The following AGBL1 variants were observed in gnomAD, a reference collection of about 807,000 sequenced individuals.
The protein encoded by AGBL1 is AGBL carboxypeptidase 1.
A neutral mutation model predicts 118.9 loss-of-function variants in AGBL1; 130 were observed. That is an observed-to-expected ratio of 1.09 (90% CI 0.95 to 1.26). The LOEUF (loss-of-function observed/expected upper bound fraction) is 1.26, where lower values mean the gene tolerates loss of function less well. Ranked by LOEUF, AGBL1 falls within the 50% of genes most tolerant of loss-of-function variation. AGBL1 has a pLI of 0.00. For synonymous variants in AGBL1, 555 were observed against 478.9 expected (o/e 1.16, Z -2.08); for missense variants, 1,584 against 1,298.1 (o/e 1.22, Z -3.38).
intron 21 of AGBL1, among the ~76,000 whole-genome samples, chr15:86,628,126 C>A (rs2084915105): frequency 6.6e-6 from 1 of 152,146 alleles, no homozygotes; most frequent in Non-Finnish European, 1.5e-5. Flanking sequence ...AGACCTTGAG[C>A]ATGCATCAAA....
At chr15:86,829,531 T>C (rs2079075568) in intron 22 of AGBL1, among the ~76,000 whole-genome samples, 2 of 152,106 alleles carry the variant, frequency 1.3e-5, no homozygotes, top group Non-Finnish European at 2.9e-5. Context: ...TCAGGCCTTC[T>C]ATGGAAGAGA....
intron 21 of AGBL1, among the ~76,000 whole-genome samples, chr15:86,597,489 CT>C (rs369169869): frequency 6.2e-4 from 94 of 152,222 alleles, no homozygotes; most frequent in African/African-American, 2.1e-3. Context: ...TTCATCACCC[CT>C]AACCCCAGTT....
At chr15:86,600,264 G>A (rs2084472984) in intron 21 of AGBL1, among the ~76,000 whole-genome samples, 2 of 152,148 alleles carry the variant, frequency 1.3e-5, no homozygotes. Flanking sequence ...AGTCTGGAAA[G>A]TGATTACATT....
At chr15:86,460,013 A>T (rs775740136) in intron 18 of AGBL1, among the ~76,000 whole-genome samples, 5 of 152,192 alleles carry the variant, frequency 3.3e-5, no homozygotes, top group Middle Eastern at 6.8e-3. Flanking sequence ...TTCTGCAACA[A>T]GTAGAGAGAA....
intron 22 of AGBL1, among the ~76,000 whole-genome samples, chr15:86,856,079 G>T (rs1051669608): frequency 6.6e-6 from 1 of 152,222 alleles, no homozygotes; most frequent in Admixed American, 6.5e-5. Context: ...TTTCTCATCA[G>T]TGTGGATGGG....
At chr15:86,734,749 C>T (rs1039274477) in intron 22 of AGBL1, among the ~76,000 whole-genome samples, 1 of 152,148 alleles carries the variant, frequency 6.6e-6, no homozygotes, top group Non-Finnish European at 1.5e-5. Flanking sequence ...ATGACTCCTT[C>T]CCACTGGCAG....
chr15:86,130,840 G>A (rs933500803), intron 1 of AGBL1, among the ~76,000 whole-genome samples: 1 of 152,084 alleles, frequency 6.6e-6, no homozygotes. Flanking sequence ...TGGTGGTCAG[G>A]CATTTGGAAA....
At chr15:86,083,428 A>G (rs1012345982) in intron 1 of AGBL1, 1 of 152,236 alleles carries the variant, frequency 6.6e-6, no homozygotes, top group African/African-American at 2.4e-5. Flanking sequence ...TGATATGGGC[A>G]CATTTTTGCC....
At position 86,910,005 on chromosome 15, in the gene AGBL1, G is replaced by C. The variant is rs1414942072; in HGVS notation, c.*2711G>C. 1 of 152,218 alleles carries C rather than the reference G, an allele frequency of 6.6e-6. No homozygotes were observed. Among genetic ancestry groups the C allele is most frequent in the Non-Finnish European group, 1.5e-5 (1 of 68,046 alleles). The allele number at this position is 152,218 out of a possible 1,614,324, so 9.4% of individuals were successfully genotyped here. On this transcript the variant is annotated 3_prime_UTR_variant, in exon 23 of 23. Transcript: ENST00000614907. ...CACTTTACTAAGCTCTACGGATGCA[G>C]ATAAGAAAGACCTATTTTGTGCCCT...
intron 21 of AGBL1, chr15:86,556,366 C>T (rs1208732082): frequency 7.8e-7 from 1 of 1,282,226 alleles, no homozygotes; most frequent in African/African-American, 1.5e-5. Flanking sequence ...GGAGGGAGAA[C>T]TGGCTAGAGA....
intron 17 of AGBL1, among the ~76,000 whole-genome samples, chr15:86,300,056 C>A (rs892710924): frequency 9.9e-5 from 15 of 152,072 alleles, no homozygotes; most frequent in African/African-American, 3.4e-4. Flanking sequence ...TAGTAATGAG[C>A]TCTTGGCCTT....
At chr15:86,233,031 T>C (rs560361646) in intron 6 of AGBL1, among the ~76,000 whole-genome samples, 1 of 152,340 alleles carries the variant, frequency 6.6e-6, no homozygotes, top group East Asian at 1.9e-4. Context: ...TGTAATATTA[T>C]GATCCCCATT....
At chr15:86,936,422 A>T (rs1380539879) in intron 23 of AGBL1, among the ~76,000 whole-genome samples, 2 of 152,198 alleles carry the variant, frequency 1.3e-5, no homozygotes, top group Non-Finnish European at 2.9e-5. Flanking sequence ...ACTTCCAAGG[A>T]ATCCAGACTC....
At chr15:86,540,300 T>C (rs2083476789) in intron 19 of AGBL1, among the ~76,000 whole-genome samples, 1 of 152,180 alleles carries the variant, frequency 6.6e-6, no homozygotes, top group Admixed American at 6.5e-5. Context: ...AACAACAAGA[T>C]AGGGCTATTG....
intron 20 of AGBL1, among the ~76,000 whole-genome samples, chr15:86,549,280 A>G (rs1217369758): frequency 6.6e-6 from 1 of 152,162 alleles, no homozygotes; most frequent in East Asian, 1.9e-4. Context: ...ACAATTTTGA[A>G]TGTCTTCCCA....
At chr15:86,714,701 C>T (rs1284579985) in intron 22 of AGBL1, among the ~76,000 whole-genome samples, 1 of 152,066 alleles carries the variant, frequency 6.6e-6, no homozygotes, top group Admixed American at 6.6e-5. Flanking sequence ...TGTCAATAAC[C>T]CTCTGAAAGT....
At chr15:86,603,599 A>T (rs2084529295) in intron 21 of AGBL1, among the ~76,000 whole-genome samples, 1 of 152,092 alleles carries the variant, frequency 6.6e-6, no homozygotes, top group Non-Finnish European at 1.5e-5. Context: ...ACCAGAAAAG[A>T]AATCTTTGTT....
chr15:86,627,714 G>A (rs2084908099), intron 21 of AGBL1, among the ~76,000 whole-genome samples: 1 of 152,202 alleles, frequency 6.6e-6, no homozygotes, highest in African/African-American at 2.4e-5. Flanking sequence ...AGAGAAACCA[G>A]CAACCAGGGT....
intron 5 of AGBL1, among the ~76,000 whole-genome samples, chr15:86,219,658 C>G (rs2078247342): frequency 6.6e-6 from 1 of 152,064 alleles, no homozygotes; most frequent in Admixed American, 6.6e-5. Context: ...CATTGAACAT[C>G]TAAACCCGCT....
Sources: gnomAD v4.1 joint callset for allele counts (sites outside exome capture counted in the v4.1 genomes callset) on GRCh38, gnomAD v4.1.1 for gene constraint, MANE v1.5 for transcripts, NCBI Gene and HGNC (gene_info 2026-07-23, HGNC 2026-07-21) for gene names.